The following MOB3B variants were observed in gnomAD, a reference collection of about 807,000 sequenced individuals.
MOB3B encodes MOB kinase activator-like 2B.
Under a neutral mutation model 18.7 loss-of-function variants are expected in MOB3B, and 7 were observed. That is an observed-to-expected ratio of 0.37 (90% confidence interval 0.21 to 0.70). The LOEUF is 0.70. Ranked by LOEUF, MOB3B falls within the 30% of genes least tolerant of loss-of-function variation. The probability of loss-of-function intolerance (pLI) is 0.52; values close to 1 mark genes in which losing one functional copy is unlikely to be tolerated. For synonymous variants in MOB3B, 111 were observed against 99.9 expected, an observed-to-expected ratio of 1.11 and a Z score of -0.66; for missense variants, 253 against 281.3, an observed-to-expected ratio of 0.90 and a Z score of 0.72.
intron 2 of MOB3B, among the ~76,000 whole-genome samples, chr9:27,449,674 CA>C (rs1440242575): frequency 2.6e-5 from 4 of 152,162 alleles, no homozygotes; most frequent in Non-Finnish European, 5.9e-5. Context: ...GAGAGACATA[CA>C]ATAGAAAATA....
intron 3 of MOB3B, among the ~76,000 whole-genome samples, chr9:27,332,658 C>T (rs147148779): frequency 2.6e-5 from 4 of 152,286 alleles, no homozygotes; most frequent in East Asian, 1.9e-4. Flanking sequence ...CAACAGTAAC[C>T]GCTGCTTTTA....
intron 2 of MOB3B, among the ~76,000 whole-genome samples, chr9:27,372,621 G>C (rs756298006): frequency 2.2e-4 from 33 of 152,124 alleles, no homozygotes; most frequent in Non-Finnish European, 4.4e-4. Context: ...CACTTCTGTG[G>C]TCTCCCTCCC....
At chr9:27,529,116 G>A (rs1014062638) in intron 1 of MOB3B, among the ~76,000 whole-genome samples, 2 of 152,172 alleles carry the variant, frequency 1.3e-5, no homozygotes, top group Non-Finnish European at 2.9e-5. Flanking sequence ...ACGCCCAAGC[G>A]TTGTCCCCCA....
intron 2 of MOB3B, among the ~76,000 whole-genome samples, chr9:27,444,147 G>T (rs930313048): frequency 7.9e-6 from 1 of 127,090 alleles, no homozygotes; most frequent in Admixed American, 7.7e-5. Context: ...AGAGAAAGAA[G>T]AAGGAAAGAA....
chr9:27,490,264 C>A (rs764998454), intron 1 of MOB3B, among the ~76,000 whole-genome samples: 1 of 152,098 alleles, frequency 6.6e-6, no homozygotes, highest in African/African-American at 2.4e-5. Context: ...AAGTTCTAGA[C>A]CCTGGGGAGA....
At chr9:27,348,683 T>C (rs1417836235) in intron 3 of MOB3B, among the ~76,000 whole-genome samples, 2 of 151,298 alleles carry the variant, frequency 1.3e-5, no homozygotes, top group East Asian at 3.9e-4. Context: ...AAGAAAGAAA[T>C]AGACCTTAAT....
chr9:27,483,168 T>C (rs987815189), intron 1 of MOB3B, among the ~76,000 whole-genome samples: 1 of 136,400 alleles, frequency 7.3e-6, no homozygotes, highest in Non-Finnish European at 1.5e-5. Context: ...AGTCTTGCTC[T>C]GTCGCCCAGG....
chr9:27,404,145 C>A (rs990256586), intron 2 of MOB3B, among the ~76,000 whole-genome samples: 1 of 151,938 alleles, frequency 6.6e-6, no homozygotes. Flanking sequence ...CCATGACTAC[C>A]CTTTTTTTTT....
intron 2 of MOB3B, among the ~76,000 whole-genome samples, chr9:27,444,020 T>C (rs898977623): frequency 6.6e-6 from 1 of 151,988 alleles, no homozygotes; most frequent in East Asian, 1.9e-4. Flanking sequence ...TTATATGGCA[T>C]AATATTTCAA....
chr9:27,331,807 T>A (rs944144614), intron 3 of MOB3B, among the ~76,000 whole-genome samples: 1 of 152,152 alleles, frequency 6.6e-6, no homozygotes, highest in African/African-American at 2.4e-5. Flanking sequence ...TGCCACACCT[T>A]ATATAATAGG....
Position 27,330,436 on chromosome 9 carries a change from T to A in MOB3B, c.*151A>T, listed in dbSNP as rs1232198777. 5 of 938,842 alleles carry A rather than the reference T, an allele frequency of 5.3e-6. No homozygotes were observed. The highest frequency in any genetic ancestry group is 7.9e-6 in the Non-Finnish European group (5 of 629,910). The allele number at this position is 938,842 out of a possible 1,614,324, so 58.2% of individuals were successfully genotyped here. The stretch of plus-strand genomic sequence containing the variant: ...GAAGGTTAAGAGCACACAAAGTGAG[T>A]GGGGAATGTCTCTCAGGAGTCACTG... On this transcript the variant is annotated 3_prime_UTR_variant, in exon 4 of 4. Coordinates refer to ENST00000262244, the MANE Select transcript of MOB3B (RefSeq NM_024761.5).
chr9:27,397,225 C>G (rs1821814044), intron 2 of MOB3B: 1 of 151,988 alleles, frequency 6.6e-6, no homozygotes, highest in Non-Finnish European at 1.5e-5. Context: ...CAGAGATTCT[C>G]CATAACTCAA....
intron 2 of MOB3B, among the ~76,000 whole-genome samples, chr9:27,361,980 C>A (rs35991106): frequency 0.048 from 7,237 of 152,280 alleles, 502 homozygotes; most frequent in African/African-American, 0.15. Context: ...AGCCAGCCCC[C>A]CTACCCTCCA....
intron 2 of MOB3B, among the ~76,000 whole-genome samples, chr9:27,450,328 C>T (rs140046624): frequency 2.0e-4 from 31 of 152,230 alleles, no homozygotes; most frequent in African/African-American, 7.5e-4. Context: ...AAAATAGGTG[C>T]TCAGCAAACA....
intron 1 of MOB3B, among the ~76,000 whole-genome samples, chr9:27,475,923 T>A (rs1819548072): frequency 6.6e-6 from 1 of 152,186 alleles, no homozygotes; most frequent in African/African-American, 2.4e-5. Context: ...AAACTATTAT[T>A]TCCAGACAGG....
intron 2 of MOB3B, among the ~76,000 whole-genome samples, chr9:27,446,089 G>A (rs1169375909): frequency 1.3e-5 from 2 of 152,106 alleles, no homozygotes; most frequent in Non-Finnish European, 2.9e-5. Context: ...CCTGAACTAA[G>A]GTTCAGTTAG....
At chr9:27,417,131 A>C (rs2131407537) in intron 2 of MOB3B, among the ~76,000 whole-genome samples, 1 of 152,102 alleles carries the variant, frequency 6.6e-6, no homozygotes, top group East Asian at 1.9e-4. Flanking sequence ...TGGGAGGCCG[A>C]GGCAGGTGGA....
chr9:27,481,518 T>G (rs905505370), intron 1 of MOB3B, among the ~76,000 whole-genome samples: 11 of 138,266 alleles, frequency 8.0e-5, no homozygotes, highest in Non-Finnish European at 1.2e-4. Context: ...TTTGTTTTTT[T>G]TGTTTTTTTT....
At chr9:27,373,311 C>G (rs1043953428) in intron 2 of MOB3B, among the ~76,000 whole-genome samples, 16 of 152,226 alleles carry the variant, frequency 1.1e-4, no homozygotes. Flanking sequence ...GCTGTGGAGT[C>G]AGGAGTCATC....
Sources: allele counts gnomAD v4.1 joint callset (sites outside exome capture counted in the v4.1 genomes callset), GRCh38; gene constraint gnomAD v4.1.1; transcripts MANE v1.5; gene names NCBI Gene and HGNC (gene_info 2026-07-23, HGNC 2026-07-21).